AKR1C2: variants seen among roughly 807,000 people sequenced by gnomAD.
AKR1C2 encodes the protein aldo-keto reductase family 1 member C2, also known as 3-alpha-HSD3.
Under a neutral mutation model 39.8 loss-of-function variants are expected in AKR1C2, and 27 were observed. That is an observed-to-expected ratio of 0.68 (90% CI 0.50 to 0.93). The LOEUF (loss-of-function observed/expected upper bound fraction) is 0.93. Among genes scored for constraint, AKR1C2 ranks in the 40% least tolerant of loss-of-function variants. AKR1C2 has a pLI of 0.00. For synonymous variants in AKR1C2, 114 were observed against 137.9 expected (o/e 0.83, Z 1.22); for missense variants, 263 against 365.1 (o/e 0.72, Z 2.28).
upstream of AKR1C2, among the ~76,000 whole-genome samples, chr10:5,005,622 G>A (rs1433282144): frequency 3.4e-4 from 52 of 152,156 alleles, no homozygotes; most frequent in Non-Finnish European, 1.3e-4. Flanking sequence ...GGCAGAGGTT[G>A]CAGTGAGCCG....
intron 8 of AKR1C2, among the ~76,000 whole-genome samples, chr10:4,991,337 A>G (rs1409938658): frequency 6.6e-6 from 1 of 152,106 alleles, no homozygotes; most frequent in Non-Finnish European, 1.5e-5. Context: ...ATGATTAAAA[A>G]TGCTAAATTG....
rs1172767476 is a variant in AKR1C2 at position 5,000,008 on chromosome 10, G to A, written c.369+542C>T. On this transcript the variant is annotated intron_variant, in intron 3 of 8. Transcript: ENST00000380753. ...TAGTTTTCAGTACCTTAAGACAAAAGTTATGAATGACACAAGAATTCATGG... is the reference window on the plus strand; with the variant it reads ...TAGTTTTCAGTACCTTAAGACAAAAATTATGAATGACACAAGAATTCATGG... 1.4e-5 allele frequency: 14 copies of A among 1,028,692 alleles called. No homozygotes were observed. The Admixed American group carries it at 4.0e-4, about 30-fold the overall frequency. 63.7% of individuals were successfully genotyped at this position (1,028,692 alleles called of 1,614,324 possible).
At chr10:4,990,402 T>C (rs192910013) in intron 8 of AKR1C2, among the ~76,000 whole-genome samples, 2 of 152,322 alleles carry the variant, frequency 1.3e-5, no homozygotes, top group Admixed American at 1.3e-4. Context: ...CTGCCTTACA[T>C]TGAAGAGGAA....
intron 7 of AKR1C2, among the ~76,000 whole-genome samples, chr10:4,994,494 G>A (rs1836962042): frequency 2.0e-5 from 3 of 152,124 alleles, no homozygotes; most frequent in African/African-American, 7.2e-5. Flanking sequence ...GAATTTCCCA[G>A]AAGCAATGGT....
chr10:5,015,252 G>T (rs1401342202), intron 1 of AKR1C2: 1 of 152,244 alleles, frequency 6.6e-6, no homozygotes, highest in Non-Finnish European at 1.5e-5. Flanking sequence ...GCACATTGCA[G>T]TGTGGTTTAA....
rs1357266848 is a variant in AKR1C2 at position 4,989,326 on chromosome 10, A to G, written c.*670T>C. ...TATGAACAAGATATAATGATCAAAA[A>G]AAAGGGTGTTGATATGTTTTTCCAA... On this transcript the variant is annotated 3_prime_UTR_variant, in exon 9 of 9. Transcript: ENST00000380753. 6.6e-6 allele frequency: 1 copy of G among 152,138 alleles called. No homozygotes were observed. Among genetic ancestry groups the G allele is most frequent in the Admixed American group, 6.5e-5 (1 of 15,268 alleles). The allele number at this position is 152,138 out of a possible 1,614,324, so 9.4% of individuals were successfully genotyped here.
At chr10:4,992,689 G>A (rs550071646) in intron 7 of AKR1C2, among the ~76,000 whole-genome samples, 5 of 147,468 alleles carry the variant, frequency 3.4e-5, no homozygotes, top group Non-Finnish European at 7.4e-5. Flanking sequence ...GTTGGCTCAC[G>A]CCTATAATCC....
chr10:5,002,108 A>G (rs1554773909), intron 1 of AKR1C2, among the ~76,000 whole-genome samples: 5 of 152,242 alleles, frequency 3.3e-5, no homozygotes, highest in Admixed American at 6.5e-5. Flanking sequence ...CACAGAGCGC[A>G]CTGACTTTAT....
chr10:5,013,603 T>C (rs1837568772), intron 1 of AKR1C2: 1 of 162,044 alleles, frequency 6.2e-6, no homozygotes, highest in Admixed American at 6.3e-5. Context: ...AACCTGCATC[T>C]CTGCATTTCT....
intron 3 of AKR1C2, 160 bp from the exon 4 acceptor site, chr10:4,999,437 G>T: frequency 1.3e-6 from 2 of 1,514,636 alleles, no homozygotes; most frequent in South Asian, 2.6e-5. Context: ...AAGGTATAAG[G>T]AATGTCTTCA....
Position 5,001,588 on chromosome 10 carries a change from G to C in AKR1C2, c.178C>G (p.Gln60Glu). ...DSAHVYNNEE[Q>E]VGLAIRSKIA... ...TTGCTTCGGATGGCCAGTCCAACCT[G>C]CTCCTCATTATTGTAAACATGTGCA... Residue 60 changes from glutamine to glutamate, a missense_variant, in exon 2 of 9, where the codon CAG (glutamine) becomes GAG (glutamate). Gln to Glu is a conservative substitution (Grantham distance 29). Coordinates refer to ENST00000380753, the MANE Select transcript of AKR1C2 (RefSeq NM_001393392.1). 1.2e-6 allele frequency: 2 copies of C among 1,613,948 alleles called. No individual in the cohort carries two copies. The highest frequency in any genetic ancestry group is 2.2e-5 in the East Asian group (1 of 44,882).
At chr10:5,011,785 T>A (rs1244826998) in intron 1 of AKR1C2, among the ~76,000 whole-genome samples, 4 of 137,812 alleles carry the variant, frequency 2.9e-5, no homozygotes, top group African/African-American at 1.0e-4. Flanking sequence ...ACCCAATGAC[T>A]GCAACCCTTA....
In AKR1C2 at chr10:4,988,421, G is replaced by T. The variant is rs1442621622; in HGVS notation, c.*1575C>A. ...AGATTTGGAGGAAAACGCTGAGCTAGAAATATTTTTTGGTGGATTTCTCAG... is the reference window on the plus strand; with the variant it reads ...AGATTTGGAGGAAAACGCTGAGCTATAAATATTTTTTGGTGGATTTCTCAG... On this transcript the variant is annotated 3_prime_UTR_variant, in exon 9 of 9. Coordinates refer to ENST00000380753, the MANE Select transcript of AKR1C2 (RefSeq NM_001393392.1). 5 of 120,988 alleles carry T rather than the reference G, an allele frequency of 4.1e-5. No homozygotes were observed. The highest frequency in any genetic ancestry group is 3.2e-4 in the Admixed American group (4 of 12,600). 7.5% of individuals were successfully genotyped at this position (120,988 alleles called of 1,614,324 possible).
chr10:5,003,638 G>A, intron 1 of AKR1C2, 114 bp downstream of exon 1: 1 of 1,139,770 alleles, frequency 8.8e-7, no homozygotes, highest in Non-Finnish European at 1.3e-6. Flanking sequence ...AACAAAGACT[G>A]ACGTTTAAAG....
chr10:4,990,749 G>T (rs1336045106), intron 8 of AKR1C2, among the ~76,000 whole-genome samples: 4 of 151,508 alleles, frequency 2.6e-5, no homozygotes, highest in Non-Finnish European at 5.9e-5. Context: ...GCTCGCAAGT[G>T]GTTTACTCCA....
intron 7 of AKR1C2, among the ~76,000 whole-genome samples, chr10:4,993,388 A>T (rs549018105): frequency 1.2e-4 from 19 of 152,340 alleles, no homozygotes; most frequent in Admixed American, 2.6e-4. Flanking sequence ...TTATGTGAGC[A>T]AATATAAACT....
Position 4,988,003 on chromosome 10 carries a change from T to A in AKR1C2, c.*1993A>T, listed in dbSNP as rs1413642921. ...GTGTTTGGCTTTATGAAATTCTGAG[T>A]AACTTTTTTTTTTTAACAATAAGAG... On this transcript the variant is annotated 3_prime_UTR_variant, in exon 9 of 9. Coordinates refer to ENST00000380753, the MANE Select transcript of AKR1C2 (RefSeq NM_001393392.1). 1 of 140,528 alleles carries A rather than the reference T, an allele frequency of 7.1e-6. No homozygotes were observed. Among genetic ancestry groups the A allele is most frequent in the Admixed American group, 7.0e-5 (1 of 14,336 alleles). 8.7% of individuals were successfully genotyped at this position (140,528 alleles called of 1,614,324 possible). A position where few individuals can be genotyped will look rare whatever the true frequency, so the allele number is the denominator to read the frequency against.
chr10:5,004,245 T>A (rs1226801262), upstream of AKR1C2, among the ~76,000 whole-genome samples: 1 of 152,242 alleles, frequency 6.6e-6, no homozygotes, highest in Non-Finnish European at 1.5e-5. Context: ...TTGAAATGAC[T>A]AATTTTCATT....
At chr10:5,007,796 G>T (rs1439752241), upstream of AKR1C2, among the ~76,000 whole-genome samples, 2 of 151,816 alleles carry the variant, frequency 1.3e-5, no homozygotes, top group South Asian at 4.2e-4. Context: ...TCAAAAACAA[G>T]TTATTTCCTT....
Sources: gnomAD v4.1 joint callset for allele counts (sites outside exome capture counted in the v4.1 genomes callset) on GRCh38, gnomAD v4.1.1 for gene constraint, MANE v1.5 for transcripts, NCBI Gene and HGNC (gene_info 2026-07-23, HGNC 2026-07-21) for gene names.